The following BCL2L11 variants were observed in gnomAD, a reference collection of about 807,000 sequenced individuals.
BCL2L11 encodes BCL2 like 11, also known as bcl-2-like protein 11.
BCL2L11 carries 15 observed loss-of-function variants against 20.6 expected under a neutral mutation model. The ratio of observed to expected loss-of-function variants is 0.73; its 90% CI spans 0.49 to 1.12. The LOEUF (loss-of-function observed/expected upper bound fraction) is 1.12. Among genes scored for constraint, BCL2L11 ranks in the 50% most tolerant of loss-of-function variants. BCL2L11 has a pLI of 0.00. For synonymous variants in BCL2L11, 108 were observed against 92.8 expected, an observed-to-expected ratio of 1.16 and a Z score of -0.94; for missense variants, 292 against 260.9, an observed-to-expected ratio of 1.12 and a Z score of -0.82.
chr2:111,153,741 C>A lies in BCL2L11; in HGVS notation c.498+3594C>A, dbSNP rs561632956. 3.9e-6 allele frequency: 6 copies of A among 1,551,908 alleles called. No individual in the cohort carries two copies. The Admixed American group carries it at 1.2e-4, about 30-fold the overall frequency. ...AGTGTTAGTCTTTTATTGCCACGAGCCTTGCAAAGCCTGACAGGATATTTT... is the reference window on the plus strand; with the variant it reads ...AGTGTTAGTCTTTTATTGCCACGAGACTTGCAAAGCCTGACAGGATATTTT... On this transcript the variant is annotated intron_variant, in intron 3 of 3. Coordinates refer to ENST00000393256, the MANE Select transcript of BCL2L11 (RefSeq NM_138621.5).
At chr2:111,153,847 CG>C in intron 3 of BCL2L11, 1 of 1,551,362 alleles carries the variant, frequency 6.4e-7, no homozygotes, top group Non-Finnish European at 8.7e-7. Context: ...AGTGGGGAAG[CG>C]TTTGAGACGG....
At chr2:111,126,584 C>A (rs2072670118) in intron 2 of BCL2L11, among the ~76,000 whole-genome samples, 1 of 152,086 alleles carries the variant, frequency 6.6e-6, no homozygotes, top group South Asian at 2.1e-4. Context: ...TAAATTGAAG[C>A]ATAAAATTTA....
intron 2 of BCL2L11, among the ~76,000 whole-genome samples, chr2:111,134,754 C>T (rs1574992993): frequency 6.6e-6 from 1 of 152,174 alleles, no homozygotes; most frequent in East Asian, 1.9e-4. Context: ...TTTATTTCCC[C>T]TTCAGTCCAG....
chr2:111,147,007 G>T (rs1342318968), intron 2 of BCL2L11, among the ~76,000 whole-genome samples: 3 of 152,128 alleles, frequency 2.0e-5, no homozygotes, highest in Non-Finnish European at 4.4e-5. Flanking sequence ...AGTGATAGGT[G>T]CTAGTTAGAG....
rs1481731742 is a variant in BCL2L11, at chr2:111,122,501, GC to G, written c.-13-1227del. 1.4e-4 allele frequency among the ~76,000 whole-genome samples: 21 copies of G among 152,202 alleles called. No individual in the cohort carries two copies. In the East Asian group the frequency reaches 3.9e-3, roughly 28 times the overall value. ...TTTGGCGGCCTGACCCGTAGGCGCCGCCCCCACCGCGGCTGCCGATTGGCTG... is the reference window on the plus strand; with the variant it reads ...TTTGGCGGCCTGACCCGTAGGCGCCGCCCCACCGCGGCTGCCGATTGGCTG... On this transcript the variant is annotated intron_variant, in intron 1 of 3. Coordinates refer to ENST00000393256, the MANE Select transcript of BCL2L11 (RefSeq NM_138621.5).
rs151288048 is a variant in BCL2L11 at position 111,161,931 on chromosome 2, G to A, written c.499-2202G>A. On this transcript the variant is annotated intron_variant, in intron 3 of 3. Transcript: ENST00000393256. ...ACTGGAGCTGGCTGAAGCTGTTGGC[G>A]CTTTGAGCAGCGTTGAGCCATCAGT... Among the ~76,000 whole-genome samples, 358 of 152,314 alleles carry A rather than the reference G, an allele frequency of 2.4e-3. 1 individual carries two copies. Among genetic ancestry groups the A allele is most frequent in the African/African-American group, 8.3e-3 (343 of 41,564 alleles).
chr2:111,123,224 C>T, intron 1 of BCL2L11: 1 of 985,486 alleles, frequency 1.0e-6, no homozygotes, highest in South Asian at 4.7e-5. Flanking sequence ...GACGCACTTA[C>T]TACGACTGAC....
At chr2:111,136,192 C>T (rs1457752210) in intron 2 of BCL2L11, among the ~76,000 whole-genome samples, 1 of 152,142 alleles carries the variant, frequency 6.6e-6, no homozygotes, top group Non-Finnish European at 1.5e-5. Context: ...GGAGAACAGG[C>T]CTCCCATGGA....
chr2:111,137,405 A>G (rs997851995), intron 2 of BCL2L11, among the ~76,000 whole-genome samples: 2 of 152,102 alleles, frequency 1.3e-5, no homozygotes, highest in Non-Finnish European at 2.9e-5. Flanking sequence ...TGTATTCCTC[A>G]TGTGGTGACA....
intron 2 of BCL2L11, among the ~76,000 whole-genome samples, chr2:111,148,494 ATTAATT>A (rs1233074565): frequency 1.3e-5 from 2 of 152,240 alleles, no homozygotes; most frequent in African/African-American, 4.8e-5. Flanking sequence ...TAGTTCAAAA[ATTAATT>A]TTAAGACTTT....
intron 3 of BCL2L11, among the ~76,000 whole-genome samples, chr2:111,156,634 A>G (rs890765025): frequency 2.0e-5 from 3 of 152,098 alleles, no homozygotes; most frequent in Non-Finnish European, 4.4e-5. Flanking sequence ...TTTTCCAAAC[A>G]AGCGCGTTCT....
rs2071480136 is a variant in BCL2L11 at position 111,122,953 on chromosome 2, G to A, written c.-13-780G>A. ...GTTTCGGTGTGATTGCCTTCTGAGGGGAGGGTCTGTGGGATGAAGGCGGCG... is the reference window on the plus strand; with the variant it reads ...GTTTCGGTGTGATTGCCTTCTGAGGAGAGGGTCTGTGGGATGAAGGCGGCG... On this transcript the variant is annotated intron_variant, in intron 1 of 3. Coordinates refer to ENST00000393256, the MANE Select transcript of BCL2L11 (RefSeq NM_138621.5). 8 of 985,530 alleles carry A rather than the reference G, an allele frequency of 8.1e-6. No homozygotes were observed. The South Asian group carries it at 1.4e-4, about 17-fold the overall frequency. The allele number at this position is 985,530 out of a possible 1,614,324, so 61.0% of individuals were successfully genotyped here.
rs73954972 is a variant in BCL2L11, at chr2:111,162,314, G to A, written c.499-1819G>A. ...GCCGTCTGAGAGGGCAGGCATCCCCGCACACTTGCAGACTGGGATGCTGTA... is the reference window on the plus strand; with the variant it reads ...GCCGTCTGAGAGGGCAGGCATCCCCACACACTTGCAGACTGGGATGCTGTA... On this transcript the variant is annotated intron_variant, in intron 3 of 3. Coordinates refer to ENST00000393256, the MANE Select transcript of BCL2L11 (RefSeq NM_138621.5). Among the ~76,000 whole-genome samples the A allele has an allele frequency of 4.2e-3, 636 of 152,310 alleles. 4 individuals are homozygous for A. The highest frequency in any genetic ancestry group is 0.014 in the African/African-American group (572 of 41,570).
intron 2 of BCL2L11, chr2:111,144,411 G>A: frequency 1.4e-6 from 2 of 1,465,294 alleles, no homozygotes. Flanking sequence ...AGAACCGTCA[G>A]AGTTGAGGAT....
At position 111,167,214 on chromosome 2, in the gene BCL2L11, T is replaced by G. The variant is rs1052503532; in HGVS notation, c.*2983T>G. 1 of 152,346 alleles carries G rather than the reference T, an allele frequency of 6.6e-6. No homozygotes were observed. Among genetic ancestry groups the G allele is most frequent in the African/African-American group, 2.4e-5 (1 of 41,448 alleles). The allele number at this position is 152,346 out of a possible 1,614,324, so 9.4% of individuals were successfully genotyped here. ...GAGTTGTCGGGGGTGACTGGAGAGC[T>G]CATTGCAGACCACGTGGTCCTCCAG... On this transcript the variant is annotated 3_prime_UTR_variant, in exon 4 of 4. Transcript: ENST00000393256.
At chr2:111,121,350 C>T (rs72948325) in intron 1 of BCL2L11, among the ~76,000 whole-genome samples, 162 bp downstream of exon 1, 1,673 of 152,260 alleles carry the variant, frequency 0.011, 37 homozygotes, top group African/African-American at 0.038. Context: ...CCGTGTGGAT[C>T]GGGTTCCCTC....
chr2:111,132,680 A>C (rs942860274), intron 2 of BCL2L11, among the ~76,000 whole-genome samples: 1 of 152,222 alleles, frequency 6.6e-6, no homozygotes, highest in African/African-American at 2.4e-5. Context: ...CTTGAAAGCC[A>C]AGCTGAAAAT....
chr2:111,161,770 AT>A (rs2078580216), intron 3 of BCL2L11, among the ~76,000 whole-genome samples: 2 of 152,244 alleles, frequency 1.3e-5, no homozygotes, highest in South Asian at 4.2e-4. Context: ...TCACCAGTAA[AT>A]TCCATCTTAG....
chr2:111,125,691 C>T (rs971591722), intron 2 of BCL2L11, among the ~76,000 whole-genome samples: 1 of 151,456 alleles, frequency 6.6e-6, no homozygotes, highest in African/African-American at 2.4e-5. Flanking sequence ...GTTGGGCACA[C>T]CTGTGAGGTG....
Sources: allele counts gnomAD v4.1 joint callset (sites outside exome capture counted in the v4.1 genomes callset), GRCh38; gene constraint gnomAD v4.1.1; transcripts MANE v1.5; gene names NCBI Gene and HGNC (gene_info 2026-07-23, HGNC 2026-07-21).